THRAP3: variants seen among roughly 807,000 people sequenced by gnomAD.
The protein encoded by THRAP3 is thyroid hormone receptor associated protein 3.
Under a neutral mutation model 101.0 loss-of-function variants are expected in THRAP3, and 16 were observed. The observed-to-expected ratio is 0.16, with a 90% CI of 0.11 to 0.24. The LOEUF (loss-of-function observed/expected upper bound fraction) is 0.24. Among genes scored for constraint, THRAP3 ranks in the 10% least tolerant of loss-of-function variants. The pLI, the probability that THRAP3 is intolerant of heterozygous loss-of-function variation, is 1.00. For missense variants in THRAP3, 989 were observed against 1,202.7 expected, an observed-to-expected ratio of 0.82 and a Z score of 2.63; for synonymous variants, 407 against 422.6, an observed-to-expected ratio of 0.96 and a Z score of 0.45.
intron 2 of THRAP3, among the ~76,000 whole-genome samples, chr1:36,275,862 T>C (rs1468710015): frequency 6.6e-6 from 1 of 151,346 alleles, no homozygotes; most frequent in East Asian, 2.0e-4. Flanking sequence ...CTCTACAAAA[T>C]ACAAATATTA....
intron 1 of THRAP3, among the ~76,000 whole-genome samples, chr1:36,230,182 G>C (rs572951991): frequency 6.7e-6 from 1 of 149,274 alleles, no homozygotes; most frequent in African/African-American, 2.5e-5. Context: ...GCAATGGCTC[G>C]ATCTCAGCTG....
intron 2 of THRAP3, among the ~76,000 whole-genome samples, chr1:36,268,181 CA>C (rs1219751989): frequency 6.2e-4 from 83 of 133,334 alleles, no homozygotes; most frequent in South Asian, 7.0e-4. Flanking sequence ...GACTCTGTCT[CA>C]AAAAAAAAAA....
chr1:36,225,514 A>G (rs1644951610), intron 1 of THRAP3: 1 of 152,240 alleles, frequency 6.6e-6, no homozygotes, highest in Admixed American at 6.5e-5. Flanking sequence ...TAAATGAGAT[A>G]AAATAAAAAT....
upstream of THRAP3, among the ~76,000 whole-genome samples, chr1:36,220,911 G>C (rs1384664910): frequency 1.5e-5 from 2 of 130,522 alleles, no homozygotes; most frequent in Non-Finnish European, 3.1e-5. Flanking sequence ...AGCAGAGATC[G>C]CACTACTGCA....
At chr1:36,254,491 A>G (rs998710212) in intron 1 of THRAP3, among the ~76,000 whole-genome samples, 1 of 152,242 alleles carries the variant, frequency 6.6e-6, no homozygotes, top group Admixed American at 6.5e-5. Context: ...ATTAAAAATA[A>G]TAATAAAATG....
the THRAP3 span, among the ~76,000 whole-genome samples, chr1:36,217,510 T>C: frequency 6.6e-6 from 1 of 151,852 alleles, no homozygotes; most frequent in East Asian, 1.9e-4. Context: ...GATCTTGTTT[T>C]ACTGTGCTTT....
intron 2 of THRAP3, among the ~76,000 whole-genome samples, chr1:36,274,786 T>G (rs1645634652): frequency 6.6e-6 from 1 of 151,242 alleles, no homozygotes; most frequent in African/African-American, 2.4e-5. Context: ...GCACGCGCCA[T>G]CACGCCCAGC....
At chr1:36,265,536 A>G (rs1645503507) in intron 2 of THRAP3, among the ~76,000 whole-genome samples, 1 of 150,648 alleles carries the variant, frequency 6.6e-6, no homozygotes, top group African/African-American at 2.5e-5. Flanking sequence ...GTAAATCTTG[A>G]TAAGATGAGC....
intron 1 of THRAP3, among the ~76,000 whole-genome samples, chr1:36,228,861 A>T (rs568233215): frequency 1.3e-5 from 2 of 152,268 alleles, no homozygotes; most frequent in Non-Finnish European, 2.9e-5. Context: ...TAGGCTGGGC[A>T]TGGTGGCTCA....
chr1:36,209,395 G>A, the THRAP3 span, among the ~76,000 whole-genome samples: 1 of 152,096 alleles, frequency 6.6e-6, no homozygotes. Flanking sequence ...TCGTTGTGAG[G>A]GATTTGTCTT....
chr1:36,300,665 C>A (rs1646020467), intron 9 of THRAP3, among the ~76,000 whole-genome samples: 1 of 152,144 alleles, frequency 6.6e-6, no homozygotes, highest in African/African-American at 2.4e-5. Context: ...ATGTTTATCA[C>A]AGACTCAGAC....
At chr1:36,275,613 T>C (rs1414825817) in intron 2 of THRAP3, among the ~76,000 whole-genome samples, 2 of 138,046 alleles carry the variant, frequency 1.4e-5, no homozygotes, top group African/African-American at 2.6e-5. Flanking sequence ...AAGTCTTCTT[T>C]TTTTTTTTTC....
intron 8 of THRAP3, 51 bp from the exon 9 acceptor site, chr1:36,296,532 G>A: frequency 6.9e-7 from 1 of 1,453,930 alleles, no homozygotes; most frequent in Non-Finnish European, 9.2e-7. Context: ...GGATGGTTGA[G>A]TTGACAGCTC....
At position 36,224,463 on chromosome 1, in the gene THRAP3, G is replaced by GT. The variant is rs1254106986; in HGVS notation, c.-175dup. The GT allele has an allele frequency of 1.3e-5, 2 of 153,048 alleles. No homozygotes were observed. Among genetic ancestry groups the GT allele is most frequent in the Non-Finnish European group, 2.9e-5 (2 of 68,550 alleles). 9.5% of individuals were successfully genotyped at this position (153,048 alleles called of 1,614,324 possible). ...GGCGGGGGCGAGGTTCGGGCTGGTT[G>GT]TTCCGTTGCGAGCTGCAGCTGCGAT... On this transcript the variant is annotated 5_prime_UTR_variant, in exon 1 of 12. Coordinates refer to ENST00000354618, the MANE Select transcript of THRAP3 (RefSeq NM_005119.4).
chr1:36,305,049 A>T lies in THRAP3; in HGVS notation c.*1032A>T. On this transcript the variant is annotated 3_prime_UTR_variant, in exon 12 of 12. Transcript: ENST00000354618. ...TTTTAACCTTAAGCTGTTTAAGTTG[A>T]AGCATTCTCAGATGTTTGGGGGGAA... 4.8e-6 allele frequency: 1 copy of T among 206,710 alleles called. No homozygotes were observed. Among genetic ancestry groups the T allele is most frequent in the Non-Finnish European group, 9.8e-6 (1 of 101,666 alleles). 12.8% of individuals were successfully genotyped at this position (206,710 alleles called of 1,614,324 possible). A position where few individuals can be genotyped will look rare whatever the true frequency, so the allele number is the denominator to read the frequency against.
At chr1:36,231,829 C>G (rs946972891) in intron 1 of THRAP3, among the ~76,000 whole-genome samples, 1 of 152,138 alleles carries the variant, frequency 6.6e-6, no homozygotes, top group African/African-American at 2.4e-5. Context: ...ATTCCTTTGG[C>G]TTGAAAGACT....
intron 1 of THRAP3, among the ~76,000 whole-genome samples, chr1:36,250,938 G>A (rs1645293928): frequency 6.6e-6 from 1 of 151,490 alleles, no homozygotes; most frequent in South Asian, 2.1e-4. Flanking sequence ...GTAGAGATGG[G>A]GTTTTACCAT....
At chr1:36,240,168 C>G (rs1645138546) in intron 1 of THRAP3, among the ~76,000 whole-genome samples, 1 of 152,162 alleles carries the variant, frequency 6.6e-6, no homozygotes, top group South Asian at 2.1e-4. Context: ...GAAGAATTGG[C>G]TCTCACAGTT....
At chr1:36,270,820 G>A (rs1188616117) in intron 2 of THRAP3, among the ~76,000 whole-genome samples, 2 of 151,942 alleles carry the variant, frequency 1.3e-5, no homozygotes, top group South Asian at 2.1e-4. Context: ...CAGGTGATCC[G>A]CCTGCCTCGG....
Sources: allele counts gnomAD v4.1 joint callset (sites outside exome capture counted in the v4.1 genomes callset), GRCh38; gene constraint gnomAD v4.1.1; transcripts MANE v1.5; gene names NCBI Gene and HGNC (gene_info 2026-07-23, HGNC 2026-07-21).